Variants in ATCAY observed in about 807,000 individuals in gnomAD.
The protein encoded by ATCAY is ATCAY kinesin light chain interacting caytaxin.
Under a neutral mutation model 47.7 loss-of-function variants are expected in ATCAY, and 22 were observed. The ratio of observed to expected loss-of-function variants is 0.46; its 90% CI spans 0.33 to 0.66. The LOEUF (loss-of-function observed/expected upper bound fraction) is 0.66. Among genes scored for constraint, ATCAY ranks in the 30% least tolerant of loss-of-function variants. The pLI is 0.02. For missense variants in ATCAY, 452 were observed against 515.0 expected (o/e 0.88, Z 1.18); for synonymous variants, 216 against 207.6 (o/e 1.04, Z -0.35).
At chr19:3,912,757 G>A (rs12462655) in intron 8 of ATCAY, among the ~76,000 whole-genome samples, 79,415 of 150,940 alleles carry the variant, frequency 0.53, 21,687 homozygotes, top group East Asian at 0.93. Context: ...CTGGTGGCGC[G>A]CACCTGTGAT....
In ATCAY at chr19:3,924,613, G is replaced by A. The variant is rs1211190549; in HGVS notation, c.*21G>A. 6 of 1,613,470 alleles carry A rather than the reference G, an allele frequency of 3.7e-6. No individual in the cohort carries two copies. Among genetic ancestry groups the A allele is most frequent in the Non-Finnish European group, 5.1e-6 (6 of 1,179,622 alleles). On this transcript the variant is annotated 3_prime_UTR_variant, in exon 13 of 13. Transcript: ENST00000450849. ...CCTGAGGCGACGTGAGCATAACAAA[G>A]GACATGGAAGAAGATTCCAGATGCC...
chr19:3,895,068 C>G (rs1003127982), intron 2 of ATCAY: 10 of 450,242 alleles, frequency 2.2e-5, no homozygotes, highest in Non-Finnish European at 4.5e-5. Context: ...CCGTAAGCAT[C>G]ACTATCTGCC....
intron 1 of ATCAY, among the ~76,000 whole-genome samples, chr19:3,885,028 A>T (rs1286212577): frequency 6.7e-6 from 1 of 149,536 alleles, no homozygotes; most frequent in Non-Finnish European, 1.5e-5. Context: ...GCTTAAGCCC[A>T]GGAGTTCAAG....
intron 2 of ATCAY, among the ~76,000 whole-genome samples, chr19:3,888,656 G>T (rs929004491): frequency 6.6e-6 from 1 of 152,072 alleles, no homozygotes; most frequent in Non-Finnish European, 1.5e-5. Flanking sequence ...TCCAGTTCCA[G>T]GAAAATTTCA....
At chr19:3,885,557 AAAGAAG>A (rs1196847608) in intron 1 of ATCAY, among the ~76,000 whole-genome samples, 164 bp from the exon 2 acceptor site, 2 of 147,680 alleles carry the variant, frequency 1.4e-5, no homozygotes, top group African/African-American at 4.9e-5. Context: ...CCGTCTCAAA[AAAGAAG>A]AAGAAGAAGG....
intron 2 of ATCAY, among the ~76,000 whole-genome samples, chr19:3,901,438 G>T (rs79484859): frequency 0.027 from 4,088 of 152,102 alleles, 181 homozygotes; most frequent in African/African-American, 0.094. Context: ...GGTTTTTGTG[G>T]GGGTTTTATC....
intron 9 of ATCAY, among the ~76,000 whole-genome samples, chr19:3,915,550 C>T (rs1048971434): frequency 2.0e-5 from 3 of 147,764 alleles, no homozygotes; most frequent in Non-Finnish European, 4.5e-5. Flanking sequence ...CCTCTCCAGA[C>T]CTTTCTTTTT....
At chr19:3,910,427 C>G (rs143962448) in intron 7 of ATCAY, among the ~76,000 whole-genome samples, 1 of 152,148 alleles carries the variant, frequency 6.6e-6, no homozygotes, top group South Asian at 2.1e-4. Flanking sequence ...AAAATTGAGC[C>G]AGCCAATCCA....
chr19:3,885,667 A>C, intron 1 of ATCAY, 60 bp from the exon 2 acceptor site: 1 of 919,908 alleles, frequency 1.1e-6, no homozygotes, highest in Non-Finnish European at 1.7e-6. Context: ...TGCATGGGGT[A>C]GACGATTGTC....
intron 2 of ATCAY, among the ~76,000 whole-genome samples, chr19:3,888,445 C>A (rs1489347396): frequency 6.6e-6 from 1 of 152,024 alleles, no homozygotes; most frequent in Non-Finnish European, 1.5e-5. Context: ...GCCTGGACAA[C>A]ATGGTGAAAC....
At chr19:3,895,123 C>A (rs1006521383) in intron 2 of ATCAY, 4 of 456,016 alleles carry the variant, frequency 8.8e-6, no homozygotes, top group Non-Finnish European at 1.8e-5. Context: ...TACATGGTCT[C>A]AAGCCAGGAA....
chr19:3,907,225 G>A lies in ATCAY; in HGVS notation c.359-509G>A, dbSNP rs747609939. ...TTCGGGAGGCCAGGGTAGGAGGATCGCTTAAGGCCAGGAGTTTGAGACCAG... is the reference window on the plus strand; with the variant it reads ...TTCGGGAGGCCAGGGTAGGAGGATCACTTAAGGCCAGGAGTTTGAGACCAG... On this transcript the variant is annotated intron_variant, in intron 4 of 12. Coordinates refer to ENST00000450849, the MANE Select transcript of ATCAY (RefSeq NM_033064.5). The surrounding 1 kb of genome is among the most constrained non-coding windows in gnomAD (Gnocchi z 5.1). 6.6e-5 allele frequency among the ~76,000 whole-genome samples: 10 copies of A among 150,784 alleles called. No individual in the cohort carries two copies. Among genetic ancestry groups the A allele is most frequent in the South Asian group, 6.4e-4 (3 of 4,716 alleles).
intron 12 of ATCAY, chr19:3,922,139 G>C: frequency 2.8e-6 from 2 of 702,688 alleles, no homozygotes; most frequent in Non-Finnish European, 5.2e-6. Flanking sequence ...CTGGCTGACT[G>C]TCTGCATGGC....
At chr19:3,906,592 G>A (rs944789999) in intron 4 of ATCAY, among the ~76,000 whole-genome samples, 5 of 151,940 alleles carry the variant, frequency 3.3e-5, no homozygotes, top group Admixed American at 6.6e-5. Flanking sequence ...TGTGAGCCAC[G>A]GCGCCCAGCC....
intron 7 of ATCAY, 81 bp downstream of exon 7, chr19:3,909,698 A>G: frequency 6.5e-7 from 1 of 1,526,758 alleles, no homozygotes; most frequent in Non-Finnish European, 8.8e-7. Flanking sequence ...CACACCTGGA[A>G]TCCCAGCACT....
At chr19:3,890,669 C>T (rs1206414809) in intron 2 of ATCAY, among the ~76,000 whole-genome samples, 15 of 152,140 alleles carry the variant, frequency 9.9e-5, no homozygotes, top group Non-Finnish European at 2.2e-4. Flanking sequence ...CTGGAAGGCG[C>T]GAGGCCAGCG....
intron 2 of ATCAY, 97 bp downstream of exon 2, chr19:3,885,941 C>G (rs1480258656): frequency 2.4e-6 from 3 of 1,259,910 alleles, no homozygotes; most frequent in South Asian, 2.6e-5. Context: ...AAGTGGGAAC[C>G]GCCCGGGGCT....
intron 11 of ATCAY, 136 bp downstream of exon 11, chr19:3,919,013 C>G (rs939498910): frequency 9.4e-7 from 1 of 1,066,522 alleles, no homozygotes; most frequent in African/African-American, 1.6e-5. Context: ...CATGGTGGCT[C>G]ACGCCTGTAA....
chr19:3,913,659 T>G, intron 8 of ATCAY, 99 bp from the exon 9 acceptor site: 1 of 839,952 alleles, frequency 1.2e-6, no homozygotes, highest in Non-Finnish European at 2.0e-6. Flanking sequence ...TGGAGTGGGG[T>G]CCTGTGGGGA....
Sources: gnomAD v4.1 joint callset for allele counts (sites outside exome capture counted in the v4.1 genomes callset) on GRCh38, gnomAD v4.1.1 for gene constraint, Gnocchi (gnomAD v3.1) non-coding constraint, MANE v1.5 for transcripts, NCBI Gene and HGNC (gene_info 2026-07-23, HGNC 2026-07-21) for gene names.